DPYSL2: variants seen among roughly 807,000 people sequenced by gnomAD.
DPYSL2 encodes the protein dihydropyrimidinase-related protein 2.
In DPYSL2, 13 loss-of-function variants were observed where a neutral mutation model predicts 69.9. The observed-to-expected ratio is 0.19, with a 90% CI of 0.12 to 0.30. The LOEUF (loss-of-function observed/expected upper bound fraction) is 0.30. Ranked by LOEUF, DPYSL2 falls within the 10% of genes least tolerant of loss-of-function variation. DPYSL2 has a pLI of 1.00. For missense variants in DPYSL2, 587 were observed against 918.9 expected, an observed-to-expected ratio of 0.64 and a Z score of 4.67; for synonymous variants, 326 against 359.1, an observed-to-expected ratio of 0.91 and a Z score of 1.04.
At chr8:26,573,249 G>A (rs1481192895) in intron 1 of DPYSL2, among the ~76,000 whole-genome samples, 2 of 152,252 alleles carry the variant, frequency 1.3e-5, no homozygotes, top group Non-Finnish European at 1.5e-5. Context: ...TCCTGACTGG[G>A]TGTGGTGGCT....
intron 1 of DPYSL2, among the ~76,000 whole-genome samples, chr8:26,545,954 A>T (rs1433295960): frequency 6.6e-6 from 1 of 152,140 alleles, no homozygotes; most frequent in Non-Finnish European, 1.5e-5. Context: ...CTTCAATTTC[A>T]CGTTGCCTAT....
intron 3 of DPYSL2, among the ~76,000 whole-genome samples, chr8:26,602,020 G>C (rs1026927252): frequency 6.6e-6 from 1 of 152,024 alleles, no homozygotes; most frequent in Non-Finnish European, 1.5e-5. Context: ...CCAGGCAGCT[G>C]TAGTTTAGGC....
In DPYSL2 at chr8:26,562,125, G is replaced by A. The variant is rs1801081471; in HGVS notation, c.355-19844G>A. ...TCCAATCTATTAGTGACTTTTATTG[G>A]CAGCAGAAACAAGAGTGGATAAGAG... On this transcript the variant is annotated intron_variant, in intron 1 of 13. Transcript: ENST00000521913. The surrounding 1 kb of genome is among the most constrained non-coding windows in gnomAD (Gnocchi z 4.9). Among the ~76,000 whole-genome samples, 1 of 152,062 alleles carries A rather than the reference G, an allele frequency of 6.6e-6. No homozygotes were observed. The highest frequency in any genetic ancestry group is 1.9e-4 in the East Asian group (1 of 5,190).
chr8:26,551,470 C>T (rs1800873276), intron 1 of DPYSL2, among the ~76,000 whole-genome samples: 1 of 152,130 alleles, frequency 6.6e-6, no homozygotes, highest in Non-Finnish European at 1.5e-5. Flanking sequence ...GAGATATAAA[C>T]AAATCTGCCA....
intron 3 of DPYSL2, among the ~76,000 whole-genome samples, chr8:26,615,770 G>A (rs1802332353): frequency 6.6e-6 from 1 of 152,122 alleles, no homozygotes; most frequent in African/African-American, 2.4e-5. Flanking sequence ...CTGTTTCAAA[G>A]ATGAAAAAAC....
At chr8:26,574,875 C>T (rs1435642338) in intron 1 of DPYSL2, among the ~76,000 whole-genome samples, 1 of 152,202 alleles carries the variant, frequency 6.6e-6, no homozygotes, top group Non-Finnish European at 1.5e-5. Context: ...CCAACCTTCC[C>T]CTGCCCCCAG....
chr8:26,575,761 G>C (rs908267987), intron 1 of DPYSL2, among the ~76,000 whole-genome samples: 2 of 152,148 alleles, frequency 1.3e-5, no homozygotes, highest in African/African-American at 4.8e-5. Flanking sequence ...ACAGGGACGG[G>C]GGTAGGGAAT....
At position 26,586,389 on chromosome 8, in the gene DPYSL2, A is replaced by G. The variant is rs945558873; in HGVS notation, c.628+2406A>G. ...AGAGATTTTGCCTCTCATCAAGTAC[A>G]TGTTGCTCAGCAGATACAGAAAGTC... is the stretch of plus-strand genomic sequence containing the variant. On this transcript the variant is annotated intron_variant, in intron 3 of 13. Coordinates refer to ENST00000521913, the MANE Select transcript of DPYSL2 (RefSeq NM_001197293.3). The surrounding 1 kb of genome is among the most constrained non-coding windows in gnomAD (Gnocchi z 4.7). 3.9e-5 allele frequency among the ~76,000 whole-genome samples: 6 copies of G among 152,246 alleles called. No individual in the cohort carries two copies. The highest frequency in any genetic ancestry group is 2.1e-4 in the South Asian group (1 of 4,810).
At chr8:26,538,474 G>C (rs949843334) in intron 1 of DPYSL2, among the ~76,000 whole-genome samples, 2 of 151,966 alleles carry the variant, frequency 1.3e-5, no homozygotes, top group Non-Finnish European at 2.9e-5. Flanking sequence ...CTCCCTGTGG[G>C]GGAAAAAGGG....
chr8:26,523,645 A>G (rs1808427331), intron 1 of DPYSL2, among the ~76,000 whole-genome samples: 1 of 151,978 alleles, frequency 6.6e-6, no homozygotes. Flanking sequence ...CATGTGTCAG[A>G]ATTTCCTTAC....
At chr8:26,521,848 T>C (rs1391194417) in intron 1 of DPYSL2, among the ~76,000 whole-genome samples, 2 of 152,244 alleles carry the variant, frequency 1.3e-5, no homozygotes, top group Non-Finnish European at 2.9e-5. Context: ...TTGTAACATG[T>C]ATGAGTGCTT....
chr8:26,635,209 A>G (rs1006389034), intron 8 of DPYSL2, among the ~76,000 whole-genome samples: 3 of 152,268 alleles, frequency 2.0e-5, no homozygotes, highest in African/African-American at 4.8e-5. Context: ...AACTAGGCAC[A>G]TACACAGATT....
In DPYSL2 at chr8:26,617,538, T is replaced by C. The variant is rs983255645; in HGVS notation, c.629-6605T>C. Among the ~76,000 whole-genome samples the C allele has an allele frequency of 1.2e-4, 19 of 152,008 alleles. No individual in the cohort carries two copies. The highest frequency in any genetic ancestry group is 1.9e-4 in the Non-Finnish European group (13 of 67,976). On this transcript the variant is annotated intron_variant, in intron 3 of 13. Transcript: ENST00000521913. This position sits in a 1 kb window ranked among gnomAD's most constrained non-coding sequence, Gnocchi z 4.7. ...AAAGAAAAAAAAATTAAAAGTAGGG[T>C]CATTTAAATATGGCAAACTCCAAAC...
chr8:26,577,093 T>C (rs1329690829), intron 1 of DPYSL2: 2 of 436,542 alleles, frequency 4.6e-6, no homozygotes, highest in Non-Finnish European at 9.2e-6. Context: ...GGGTTTCCCA[T>C]ACCCCGCAGC....
At chr8:26,528,896 A>G (rs73224175) in intron 1 of DPYSL2, among the ~76,000 whole-genome samples, 13,960 of 152,136 alleles carry the variant, frequency 0.092, 845 homozygotes, top group Middle Eastern at 0.17. Context: ...GCCCTGGAGC[A>G]TAGTGGCTGT....
intron 3 of DPYSL2, among the ~76,000 whole-genome samples, chr8:26,596,850 T>G (rs1453788969): frequency 3.9e-5 from 6 of 152,204 alleles, no homozygotes; most frequent in Admixed American, 2.6e-4. Context: ...TTAGACAGCC[T>G]GCTCATGAAA....
intron 1 of DPYSL2, among the ~76,000 whole-genome samples, chr8:26,539,500 G>C (rs550960897): frequency 3.9e-5 from 6 of 152,174 alleles, no homozygotes; most frequent in Non-Finnish European, 8.8e-5. Context: ...CAGTAACGTT[G>C]AATAAATGGT....
chr8:26,525,180 G>T (rs1808456393), intron 1 of DPYSL2, among the ~76,000 whole-genome samples: 1 of 152,020 alleles, frequency 6.6e-6, no homozygotes, highest in Non-Finnish European at 1.5e-5. Context: ...ATTTACCTGT[G>T]CTTTCTCCTA....
chr8:26,554,377 T>G (rs1800912603), intron 1 of DPYSL2, among the ~76,000 whole-genome samples: 1 of 151,304 alleles, frequency 6.6e-6, no homozygotes, highest in Non-Finnish European at 1.5e-5. Context: ...TTTTTTTTTT[T>G]GTAAATTTGT....
Sources: allele counts gnomAD v4.1 joint callset (sites outside exome capture counted in the v4.1 genomes callset), GRCh38; gene constraint gnomAD v4.1.1; non-coding constraint Gnocchi (gnomAD v3.1); transcripts MANE v1.5; gene names NCBI Gene and HGNC (gene_info 2026-07-23, HGNC 2026-07-21).